Variants in FILIP1L observed in about 807,000 individuals in gnomAD.
FILIP1L encodes filamin A-interacting protein 1-like.
A neutral mutation model predicts 96.6 loss-of-function variants in FILIP1L; 55 were observed. That is an observed-to-expected ratio of 0.57 (90% CI 0.46 to 0.71). The LOEUF is 0.71. Ranked by LOEUF, FILIP1L falls within the 30% of genes least tolerant of loss-of-function variation. FILIP1L has a pLI of 0.00. For missense variants in FILIP1L, 1,304 were observed against 1,321.2 expected, an observed-to-expected ratio of 0.99 and a Z score of 0.20; for synonymous variants, 467 against 473.9, an observed-to-expected ratio of 0.99 and a Z score of 0.19.
At position 100,021,950 on chromosome 3, in the gene FILIP1L, TGTGTGTGTGTGAGAGAGAGAGA is replaced by T. The variant is rs1317676549; in HGVS notation, c.-10-90942_-10-90921del. On this transcript the variant is annotated intron_variant, in intron 1 of 5. Coordinates refer to ENST00000477258, the MANE Select transcript of FILIP1L (RefSeq NM_001387850.1). ...GTGTGTGTGTGTGTGTGTGTGTGTG[TGTGTGTGTGTGAGAGAGAGAGA>T]GAGAGAGAGAGAGAGAGAGAGATAT... Among the ~76,000 whole-genome samples, 209 of 128,974 alleles carry T rather than the reference TGTGTGTGTGTGAGAGAGAGAGA, an allele frequency of 1.6e-3. 1 individual carries two copies. Among genetic ancestry groups the T allele is most frequent in the Middle Eastern group, 0.011 (3 of 270 alleles). The allele number at this position is 128,974 out of a possible 152,430, so 84.6% of individuals were successfully genotyped here. A position where few individuals can be genotyped will look rare whatever the true frequency, so the allele number is the denominator to read the frequency against.
At chr3:99,833,048 C>T in intron 5 of FILIP1L, 1 of 610,754 alleles carries the variant, frequency 1.6e-6, no homozygotes, top group South Asian at 2.1e-5. Context: ...CTTTTAAGAC[C>T]ACACAGTGAA....
intron 1 of FILIP1L, among the ~76,000 whole-genome samples, chr3:100,063,348 C>A (rs926344772): frequency 6.6e-6 from 1 of 152,012 alleles, no homozygotes; most frequent in Non-Finnish European, 1.5e-5. Flanking sequence ...CTCAACCAAC[C>A]ATTAAAGGGT....
intron 4 of FILIP1L, among the ~76,000 whole-genome samples, chr3:99,923,653 C>T (rs180684020): frequency 3.3e-5 from 5 of 152,176 alleles, no homozygotes; most frequent in Admixed American, 6.5e-5. Flanking sequence ...GAGTTTCCTG[C>T]GCCCAGTCTA....
intron 4 of FILIP1L, among the ~76,000 whole-genome samples, chr3:99,858,893 T>G (rs1425266044): frequency 6.6e-6 from 1 of 152,248 alleles, no homozygotes; most frequent in African/African-American, 2.4e-5. Context: ...ACCTTGTGCT[T>G]CTTCTGTCAG....
intron 4 of FILIP1L, among the ~76,000 whole-genome samples, chr3:99,880,240 TC>T (rs1705677793): frequency 6.6e-6 from 1 of 152,180 alleles, no homozygotes; most frequent in Non-Finnish European, 1.5e-5. Context: ...CTTCTTTCAC[TC>T]TTCTTTCAGT....
At chr3:100,000,181 G>A (rs562775234) in intron 1 of FILIP1L, among the ~76,000 whole-genome samples, 1 of 152,242 alleles carries the variant, frequency 6.6e-6, no homozygotes, top group African/African-American at 2.4e-5. Flanking sequence ...ATTTCTTCCT[G>A]CCTTCTTCTG....
intron 5 of FILIP1L, among the ~76,000 whole-genome samples, chr3:99,839,579 A>AGGT (rs1303637767): frequency 6.6e-6 from 1 of 152,192 alleles, no homozygotes; most frequent in African/African-American, 2.4e-5. Flanking sequence ...TTTAAAGCCA[A>AGGT]GGTGGTTGGT....
Position 99,964,242 on chromosome 3 carries a change from G to A in FILIP1L, c.-10-33212C>T, listed in dbSNP as rs920216823. ...ATTTTTATTTATCAATATTTATCTT[G>A]ATTAATGATCTTACCTCTAGCTAGG... On this transcript the variant is annotated intron_variant, in intron 1 of 5. Transcript: ENST00000477258. The A allele has an allele frequency of 5.3e-5, 8 of 151,908 alleles. No individual in the cohort carries two copies. In the South Asian group the frequency reaches 6.3e-4, roughly 12 times the overall value. The allele number at this position is 151,908 out of a possible 1,614,324, so 9.4% of individuals were successfully genotyped here.
At chr3:99,881,931 A>C (rs1705742579) in intron 4 of FILIP1L, among the ~76,000 whole-genome samples, 1 of 152,216 alleles carries the variant, frequency 6.6e-6, no homozygotes, top group African/African-American at 2.4e-5. Context: ...GCAGAGAAAG[A>C]CCTGTGGATT....
chr3:99,885,797 G>A (rs1294817432), intron 4 of FILIP1L, among the ~76,000 whole-genome samples: 1 of 152,124 alleles, frequency 6.6e-6, no homozygotes, highest in East Asian at 1.9e-4. Context: ...TACACACAGA[G>A]ACTTGAAGGC....
intron 1 of FILIP1L, among the ~76,000 whole-genome samples, chr3:100,096,775 T>C (rs2066217030): frequency 6.6e-6 from 1 of 152,202 alleles, no homozygotes; most frequent in African/African-American, 2.4e-5. Context: ...ATAATTGGAT[T>C]GTTTGTAACA....
chr3:99,841,254 T>C (rs1467141666), intron 5 of FILIP1L, among the ~76,000 whole-genome samples: 1 of 152,282 alleles, frequency 6.6e-6, no homozygotes, highest in Non-Finnish European at 1.5e-5. Flanking sequence ...AACAATTATA[T>C]TTGTGTTAAT....
chr3:99,916,459 C>T (rs1355573507), intron 4 of FILIP1L, among the ~76,000 whole-genome samples: 4 of 151,330 alleles, frequency 2.6e-5, no homozygotes, highest in Non-Finnish European at 4.4e-5. Flanking sequence ...CACACACACA[C>T]ACACACACAC....
At chr3:100,007,782 A>C (rs1710030772) in intron 1 of FILIP1L, among the ~76,000 whole-genome samples, 1 of 152,174 alleles carries the variant, frequency 6.6e-6, no homozygotes, top group African/African-American at 2.4e-5. Flanking sequence ...GATAGAAAAA[A>C]TATATTAGTT....
chr3:99,856,730 A>G (rs1943984104), intron 4 of FILIP1L, among the ~76,000 whole-genome samples: 1 of 152,176 alleles, frequency 6.6e-6, no homozygotes, highest in Non-Finnish European at 1.5e-5. Flanking sequence ...CTGGTTCTTC[A>G]TTACAAATGA....
chr3:99,978,619 G>T (rs1709035078), intron 1 of FILIP1L, among the ~76,000 whole-genome samples: 1 of 152,120 alleles, frequency 6.6e-6, no homozygotes, highest in Non-Finnish European at 1.5e-5. Context: ...TAGAGGCTGG[G>T]CACCAGGGCT....
chr3:99,895,886 G>A (rs571568290), intron 4 of FILIP1L, among the ~76,000 whole-genome samples: 26 of 152,308 alleles, frequency 1.7e-4, no homozygotes, highest in African/African-American at 5.3e-4. Context: ...AAACAATGTT[G>A]ATGTTTGGTC....
intron 1 of FILIP1L, among the ~76,000 whole-genome samples, chr3:100,090,243 T>C (rs985739098): frequency 9.9e-5 from 15 of 152,216 alleles, no homozygotes; most frequent in African/African-American, 3.6e-4. Flanking sequence ...TTTGCTATTG[T>C]TTTCTTCAAG....
intron 1 of FILIP1L, among the ~76,000 whole-genome samples, chr3:99,941,788 AT>A (rs1016944073): frequency 6.6e-6 from 1 of 152,204 alleles, no homozygotes; most frequent in African/African-American, 2.4e-5. Context: ...TTTGGAAAAA[AT>A]ATATTGATTT....
Sources: allele counts gnomAD v4.1 joint callset (sites outside exome capture counted in the v4.1 genomes callset), GRCh38; gene constraint gnomAD v4.1.1; transcripts MANE v1.5; gene names NCBI Gene and HGNC (gene_info 2026-07-23, HGNC 2026-07-21).